The following MARCHF1 variants were observed in gnomAD, a reference collection of about 807,000 sequenced individuals.
MARCHF1 encodes E3 ubiquitin-protein ligase MARCHF1.
In MARCHF1, 40 loss-of-function variants were observed where a neutral mutation model predicts 54.2. The ratio of observed to expected loss-of-function variants is 0.74; its 90% CI spans 0.57 to 0.96. MARCHF1 has a LOEUF of 0.96. MARCHF1 is among the 40% of genes least tolerant of loss of function. The pLI, the probability that MARCHF1 is intolerant of heterozygous loss-of-function variation, is 0.00. For synonymous variants in MARCHF1, 236 were observed against 236.3 expected (o/e 1.00, Z 0.01); for missense variants, 586 against 656.5 (o/e 0.89, Z 1.17).
At chr4:163,818,041 G>A (rs984427441) in intron 4 of MARCHF1, among the ~76,000 whole-genome samples, 1 of 150,888 alleles carries the variant, frequency 6.6e-6, no homozygotes, top group Non-Finnish European at 1.5e-5. Context: ...CAGCACACCA[G>A]CATGGCACAT....
At chr4:163,892,962 T>C (rs1037243544) in intron 3 of MARCHF1, among the ~76,000 whole-genome samples, 32 of 152,288 alleles carry the variant, frequency 2.1e-4, no homozygotes, top group African/African-American at 7.5e-4. Flanking sequence ...AAGTGATGCC[T>C]GTCTGCATAG....
At chr4:164,088,409 TG>T (rs978664715) in intron 2 of MARCHF1, among the ~76,000 whole-genome samples, 4 of 152,172 alleles carry the variant, frequency 2.6e-5, no homozygotes, top group African/African-American at 9.6e-5. Flanking sequence ...ATTCATAATC[TG>T]GGGTGAAGGC....
chr4:163,633,032 G>C (rs1206522721), intron 5 of MARCHF1, among the ~76,000 whole-genome samples: 1 of 152,104 alleles, frequency 6.6e-6, no homozygotes, highest in Non-Finnish European at 1.5e-5. Context: ...CTGCAGCTGA[G>C]GGTCCTGTCT....
chr4:163,834,166 T>A (rs770890776), intron 4 of MARCHF1, among the ~76,000 whole-genome samples: 4 of 152,162 alleles, frequency 2.6e-5, no homozygotes, highest in Non-Finnish European at 4.4e-5. Flanking sequence ...TGAGCTAATT[T>A]CATGTTTGAC....
intron 2 of MARCHF1, among the ~76,000 whole-genome samples, chr4:164,057,544 G>A (rs912444933): frequency 2.0e-4 from 30 of 152,110 alleles, no homozygotes; most frequent in African/African-American, 6.5e-4. Flanking sequence ...GCCCCAGAAC[G>A]GTGGCAGATT....
chr4:163,979,311 A>G (rs1408211650), intron 3 of MARCHF1, among the ~76,000 whole-genome samples: 1 of 144,514 alleles, frequency 6.9e-6, no homozygotes, highest in Non-Finnish European at 1.5e-5. Context: ...GAGAATGATG[A>G]TTTCCAATTT....
chr4:163,874,200 C>A (rs1427240932), intron 3 of MARCHF1, among the ~76,000 whole-genome samples: 1 of 152,184 alleles, frequency 6.6e-6, no homozygotes, highest in Non-Finnish European at 1.5e-5. Flanking sequence ...TGGGAACTCA[C>A]AAACTGCAAC....
chr4:164,124,115 A>G (rs1167841885), intron 1 of MARCHF1, among the ~76,000 whole-genome samples: 2 of 152,144 alleles, frequency 1.3e-5, no homozygotes, highest in Admixed American at 6.5e-5. Context: ...ATTTCTCAAA[A>G]GAAGACATAC....
At chr4:164,334,010 A>G (rs1729655114) in intron 1 of MARCHF1, among the ~76,000 whole-genome samples, 1 of 152,192 alleles carries the variant, frequency 6.6e-6, no homozygotes. Context: ...CAATTCATGA[A>G]GGTTGAGAAG....
At chr4:163,842,369 A>C (rs951352704) in intron 4 of MARCHF1, among the ~76,000 whole-genome samples, 1 of 152,020 alleles carries the variant, frequency 6.6e-6, no homozygotes, top group Non-Finnish European at 1.5e-5. Flanking sequence ...ATATATGTAT[A>C]TATAAATATT....
intron 1 of MARCHF1, among the ~76,000 whole-genome samples, chr4:164,212,664 T>C (rs900923574): frequency 1.3e-5 from 2 of 152,210 alleles, no homozygotes; most frequent in African/African-American, 4.8e-5. Context: ...GAAGATCAGA[T>C]AGCAAGATCC....
intron 1 of MARCHF1, among the ~76,000 whole-genome samples, chr4:164,292,808 A>G (rs955274771): frequency 1.3e-5 from 2 of 152,232 alleles, no homozygotes; most frequent in African/African-American, 4.8e-5. Context: ...ATATGTTGTT[A>G]AATCATAAAA....
chr4:164,100,065 T>C (rs1228524289), intron 2 of MARCHF1, among the ~76,000 whole-genome samples: 2 of 152,198 alleles, frequency 1.3e-5, no homozygotes, highest in African/African-American at 4.8e-5. Flanking sequence ...AAACTGAATT[T>C]TCCTTTTAAA....
intron 3 of MARCHF1, among the ~76,000 whole-genome samples, chr4:163,868,301 A>G (rs1750098877): frequency 6.6e-6 from 1 of 151,990 alleles, no homozygotes; most frequent in Non-Finnish European, 1.5e-5. Flanking sequence ...TTTGCTGTCT[A>G]CATGAAAAAT....
chr4:164,073,438 G>A (rs1754911010), intron 2 of MARCHF1, among the ~76,000 whole-genome samples: 2 of 152,014 alleles, frequency 1.3e-5, no homozygotes, highest in Admixed American at 1.3e-4. Flanking sequence ...TAAGTGAGAG[G>A]TGAACAAAGA....
intron 4 of MARCHF1, among the ~76,000 whole-genome samples, chr4:163,702,767 G>A (rs570023887): frequency 6.6e-6 from 1 of 152,254 alleles, no homozygotes; most frequent in African/African-American, 2.4e-5. Flanking sequence ...CTTTTAACTT[G>A]AAATGGATTG....
chr4:163,630,694 T>C (rs1176118190), intron 5 of MARCHF1, among the ~76,000 whole-genome samples: 1 of 152,196 alleles, frequency 6.6e-6, no homozygotes, highest in Non-Finnish European at 1.5e-5. Flanking sequence ...GCAAAGCATA[T>C]TTCTATGTTC....
intron 5 of MARCHF1, among the ~76,000 whole-genome samples, chr4:163,632,131 T>C (rs955994489): frequency 9.9e-5 from 15 of 152,274 alleles, no homozygotes; most frequent in African/African-American, 2.9e-4. Flanking sequence ...TTGTGCACTA[T>C]TGGTGGGAAT....
intron 1 of MARCHF1, among the ~76,000 whole-genome samples, chr4:164,236,710 A>G (rs1278724700): frequency 6.6e-6 from 1 of 152,158 alleles, no homozygotes; most frequent in African/African-American, 2.4e-5. Flanking sequence ...GGGGTTACAA[A>G]CAAATTTAGT....
Sources: allele counts gnomAD v4.1 joint callset (sites outside exome capture counted in the v4.1 genomes callset), GRCh38; gene constraint gnomAD v4.1.1; transcripts MANE v1.5; gene names NCBI Gene and HGNC (gene_info 2026-07-23, HGNC 2026-07-21).